The following LRP1 variants were observed in gnomAD, a reference collection of about 807,000 sequenced individuals.
The protein encoded by LRP1 is prolow-density lipoprotein receptor-related protein 1.
Under a neutral mutation model 541.5 loss-of-function variants are expected in LRP1, and 51 were observed. The ratio of observed to expected loss-of-function variants is 0.09; its 90% CI spans 0.08 to 0.12. The LOEUF (loss-of-function observed/expected upper bound fraction) is 0.12, where lower values mean the gene tolerates loss of function less well. Ranked by LOEUF, LRP1 falls within the 10% of genes least tolerant of loss-of-function variation. LRP1 has a pLI of 1.00. For missense variants in LRP1, 3,878 were observed against 6,376.2 expected (o/e 0.61, Z 13.34); for synonymous variants, 2,219 against 2,470.8 (o/e 0.90, Z 3.02).
Position 57,205,270 on chromosome 12 carries a change from G to C in LRP1, c.11335+21G>C. The C allele has an allele frequency of 6.2e-7, 1 of 1,603,470 alleles. No homozygotes were observed. The highest frequency in any genetic ancestry group is 1.1e-5 in the South Asian group (1 of 90,296). ...CATCGGTGAGGCCCGGCAGCGGACCGGACGCTGGTGGGGAGTGGGGAGAGC... is the reference window on the plus strand; with the variant it reads ...CATCGGTGAGGCCCGGCAGCGGACCCGACGCTGGTGGGGAGTGGGGAGAGC... On this transcript the variant is annotated intron_variant, in intron 73 of 88. Coordinates refer to ENST00000243077, the MANE Select transcript of LRP1 (RefSeq NM_002332.3). This position sits in a 1 kb window ranked among gnomAD's most constrained non-coding sequence, Gnocchi z 4.6.
At chr12:57,180,166 A>C (rs1592637157) in intron 31 of LRP1, 25 bp downstream of exon 31, 1 of 1,603,708 alleles carries the variant, frequency 6.2e-7, no homozygotes, top group Non-Finnish European at 8.5e-7. Flanking sequence ...GCCCACCCCC[A>C]CAGCCCCTCC....
chr12:57,138,828 T>G (rs912207222), intron 2 of LRP1, among the ~76,000 whole-genome samples: 2 of 152,230 alleles, frequency 1.3e-5, no homozygotes, highest in African/African-American at 2.4e-5. Context: ...CAGTGTTCTC[T>G]GGGCTGACAG....
rs1264226712 is a variant in LRP1, at chr12:57,156,643, G to A, written c.1418-134G>A. The A allele has an allele frequency of 9.5e-7, 1 of 1,050,646 alleles. No individual in the cohort carries two copies. Among genetic ancestry groups the A allele is most frequent in the South Asian group, 1.8e-5 (1 of 55,532 alleles). 65.1% of individuals were successfully genotyped at this position (1,050,646 alleles called of 1,614,324 possible). On this transcript the variant is annotated intron_variant, in intron 9 of 88. Coordinates refer to ENST00000243077, the MANE Select transcript of LRP1 (RefSeq NM_002332.3). This position sits in a 1 kb window ranked among gnomAD's most constrained non-coding sequence, Gnocchi z 5.2. ...GGGGCAGAGGGTTTCCACCCCTGTGGCTTCCAAATCCTAAAATGGGATAGC... is the reference window on the plus strand; with the variant it reads ...GGGGCAGAGGGTTTCCACCCCTGTGACTTCCAAATCCTAAAATGGGATAGC...
rs373025402 is a variant in LRP1 at position 57,210,386 on chromosome 12, C to T, written c.12660C>T (p.Cys4220=). 62 of 1,606,486 alleles carry T rather than the reference C, an allele frequency of 3.9e-5. No homozygotes were observed. Among genetic ancestry groups the T allele is most frequent in the Non-Finnish European group, 4.9e-5 (58 of 1,175,612 alleles). Residue 4220 remains cysteine (C), a synonymous_variant, in exon 82 of 89, where the codon TGC becomes TGT. Coordinates refer to ENST00000243077, the MANE Select transcript of LRP1 (RefSeq NM_002332.3). ...CFLNARRQPK[C]RCQPRYTGDK... ...TCAATGCACGGAGGCAGCCCAAGTG[C>T]CGCTGCCAACCCCGCTACACGGGTG...
chr12:57,179,355 C>T lies in LRP1; in HGVS notation c.4765C>T (p.Arg1589Cys), dbSNP rs1463659129. The change falls in exon 29 of 89, where the codon CGT becomes TGT. Residue 1589 changes from arginine to cysteine, a missense_variant. Transcript: ENST00000243077. This position sits in a 1 kb window ranked among gnomAD's most constrained non-coding sequence, Gnocchi z 6.8. ...YEFKKFLLYARQMEIRGVDLD... is the reference protein window; with the variant it reads ...YEFKKFLLYACQMEIRGVDLD... ...GTTTAAGAAGTTCCTGCTGTACGCACGTCAGATGGAGATCCGAGGTGTGGA... is the reference window on the plus strand; with the variant it reads ...GTTTAAGAAGTTCCTGCTGTACGCATGTCAGATGGAGATCCGAGGTGTGGA... 2 of 1,613,966 alleles carry T rather than the reference C, an allele frequency of 1.2e-6. No homozygotes were observed. Among genetic ancestry groups the T allele is most frequent in the Non-Finnish European group, 1.7e-6 (2 of 1,179,930 alleles).
Position 57,210,961 on chromosome 12 carries a change from C to T in LRP1, c.12916+82C>T. 3 of 1,520,622 alleles carry T rather than the reference C, an allele frequency of 2.0e-6. No individual in the cohort carries two copies. In the Admixed American group the frequency reaches 5.7e-5, roughly 29 times the overall value. The allele number at this position is 1,520,622 out of a possible 1,614,324, so 94.2% of individuals were successfully genotyped here. A position where few individuals can be genotyped will look rare whatever the true frequency, so the allele number is the denominator to read the frequency against. On this transcript the variant is annotated intron_variant, in intron 83 of 88. Transcript: ENST00000243077. ...AGCATGGGGTGATGTTCAACCTGTG[C>T]CTGGGACCCACAGGGGCAAGTTCAG...
chr12:57,181,705 T>A (rs1383951430), intron 34 of LRP1, among the ~76,000 whole-genome samples: 1 of 152,038 alleles, frequency 6.6e-6, no homozygotes, highest in Non-Finnish European at 1.5e-5. Context: ...TGGAAAGTGA[T>A]GTTTGGGGAA....
Position 57,184,875 on chromosome 12 carries a change from A to G in LRP1, c.6223A>G (p.Lys2075Glu). The G allele has an allele frequency of 6.2e-7, 1 of 1,614,166 alleles. No homozygotes were observed. The highest frequency in any genetic ancestry group is 1.1e-5 in the South Asian group (1 of 91,082). Residue 2075 changes from lysine to glutamate, a missense_variant, in exon 39 of 89, where the codon AAG (lysine) becomes GAG (glutamate). Physicochemically the swap from Lys to Glu is moderately conservative, Grantham distance 56. Transcript: ENST00000243077. The surrounding 1 kb of genome is among the most constrained non-coding windows in gnomAD (Gnocchi z 7.8). ...KLYWCDARTD[K>E]IERIDLETGE... ...GTACTGGTGCGATGCACGGACAGAC[A>G]AGATTGAACGGATCGACCTGGAGAC...
In LRP1 at chr12:57,205,352, C is replaced by T. The variant is rs879221117; in HGVS notation, c.11337C>T (p.Asp3779=). 1.2e-6 allele frequency: 2 copies of T among 1,604,818 alleles called. No homozygotes were observed. Among genetic ancestry groups the T allele is most frequent in the South Asian group, 2.2e-5 (2 of 90,320 alleles). The change falls in exon 74 of 89, where the codon GAC becomes GAT. Residue 3779 remains aspartate, a splice_region_variant and synonymous_variant. Coordinates refer to ENST00000243077, the MANE Select transcript of LRP1 (RefSeq NM_002332.3). This position sits in a 1 kb window ranked among gnomAD's most constrained non-coding sequence, Gnocchi z 4.6. ...DGSDEEDCSI[D]PKLTSCATNA... is the part of the protein sequence containing the mutation. ...GCATCCACTCTCTGTCCCCCACAGA[C>T]CCCAAGCTGACCAGCTGCGCCACCA...
At position 57,202,543 on chromosome 12, in the gene LRP1, T is replaced by TTGGGGCCCC; in HGVS notation, c.10711+6_10711+7insTGGGGCCCC. On this transcript the variant is annotated splice_region_variant and intron_variant, in intron 68 of 88. Transcript: ENST00000243077. ...CTCCGATGAAGAGAGCTGCAGTACG[T>TTGGGGCCCC]CCCCACCCACCCAGCCCCGCATGAG... The TTGGGGCCCC allele has an allele frequency of 6.6e-7, 1 of 1,523,616 alleles. No homozygotes were observed. Among genetic ancestry groups the TTGGGGCCCC allele is most frequent in the Non-Finnish European group, 8.9e-7 (1 of 1,124,802 alleles). 94.4% of individuals were successfully genotyped at this position (1,523,616 alleles called of 1,614,324 possible).
intron 6 of LRP1, chr12:57,149,651 C>T (rs1467789814): frequency 1.4e-6 from 1 of 721,384 alleles, no homozygotes; most frequent in Admixed American, 1.9e-5. Context: ...GGGAAGGTAG[C>T]AGGACATAAC....
chr12:57,209,045 G>A, intron 78 of LRP1, 38 bp from the exon 79 acceptor site: 1 of 1,545,204 alleles, frequency 6.5e-7, no homozygotes, highest in Non-Finnish European at 8.9e-7. Context: ...GCCTGGGTTG[G>A]GGAGGCCAAG....
In LRP1 at chr12:57,183,270, TG is replaced by T. The variant is rs200123285; in HGVS notation, c.5663-101del. On this transcript the variant is annotated intron_variant, in intron 34 of 88. Coordinates refer to ENST00000243077, the MANE Select transcript of LRP1 (RefSeq NM_002332.3). This position sits in a 1 kb window ranked among gnomAD's most constrained non-coding sequence, Gnocchi z 6.1. ...GCTGGGTGGAGGATAGGGATGATGGTGGGGGGGGATGATATCAAAGGAGAAG... is the reference window on the plus strand; with the variant it reads ...GCTGGGTGGAGGATAGGGATGATGGTGGGGGGGATGATATCAAAGGAGAAG... The T allele has an allele frequency of 1.2e-4, 139 of 1,163,644 alleles. No individual in the cohort carries two copies. The highest frequency in any genetic ancestry group is 1.3e-4 in the Non-Finnish European group (105 of 811,068). The allele number at this position is 1,163,644 out of a possible 1,614,324, so 72.1% of individuals were successfully genotyped here. A position where few individuals can be genotyped will look rare whatever the true frequency, so the allele number is the denominator to read the frequency against.
Position 57,195,796 on chromosome 12 carries a change from T to C in LRP1, c.8560+16T>C, listed in dbSNP as rs568127388. On this transcript the variant is annotated intron_variant, in intron 53 of 88. Coordinates refer to ENST00000243077, the MANE Select transcript of LRP1 (RefSeq NM_002332.3). ...CCCGAGTGTGGTGAGCCTTCGGCGG[T>C]GGTGGGAGGAGGCCCTGCCCTCTGC... is the stretch of plus-strand genomic sequence containing the variant. The C allele has an allele frequency of 6.3e-5, 102 of 1,614,044 alleles. 1 individual carries two copies. The South Asian group carries it at 7.1e-4, about 11-fold the overall frequency.
rs925064080 is a variant in LRP1, at chr12:57,136,396, C to CA, written c.68-2063_68-2062insA. On this transcript the variant is annotated intron_variant, in intron 1 of 88. Coordinates refer to ENST00000243077, the MANE Select transcript of LRP1 (RefSeq NM_002332.3). ...CATCAGACTCCCTCCCTCCTAAGAG[C>CA]CCCCCCCCCCCGCCATTTTCCTTAT... 1.0e-3 allele frequency among the ~76,000 whole-genome samples: 19 copies of CA among 18,920 alleles called. No individual in the cohort carries two copies. In the East Asian group the frequency reaches 0.011, roughly 11 times the overall value. The allele number at this position is 18,920 out of a possible 152,430, so 12.4% of individuals were successfully genotyped here. A position where few individuals can be genotyped will look rare whatever the true frequency, so the allele number is the denominator to read the frequency against.
chr12:57,160,831 T>C (rs2035714497), intron 12 of LRP1, 62 bp from the exon 13 acceptor site: 3 of 1,330,684 alleles, frequency 2.3e-6, no homozygotes, highest in Non-Finnish European at 3.2e-6. Flanking sequence ...TGGATTGGGA[T>C]CACAGGGGAG....
At chr12:57,207,891 A>G in intron 76 of LRP1, 147 bp from the exon 77 acceptor site, 2 of 865,464 alleles carry the variant, frequency 2.3e-6, no homozygotes, top group Non-Finnish European at 1.8e-6. Flanking sequence ...AGTCTGGCGC[A>G]TAAGCTCCAT....
In LRP1 at chr12:57,195,318, G is replaced by C; in HGVS notation, c.8356G>C (p.Val2786Leu). 1 of 1,613,566 alleles carries C rather than the reference G, an allele frequency of 6.2e-7. No individual in the cohort carries two copies. Among genetic ancestry groups the C allele is most frequent in the Non-Finnish European group, 8.5e-7 (1 of 1,180,016 alleles). ...CTCCTTCTCCTGCCCTGGCACCCAC[G>C]TGTGCGTCCCCGAGCGCTGGCTCTG... is the stretch of plus-strand genomic sequence containing the variant. ...PSSFSCPGTH[V>L]CVPERWLCDG... The change falls in exon 52 of 89, where the codon GTG becomes CTG. Residue 2786 changes from valine (V) to leucine (L), a missense_variant. Physicochemically the swap from Val to Leu is conservative, Grantham distance 32. Transcript: ENST00000243077.
chr12:57,157,950 G>C (rs139303328), intron 10 of LRP1, among the ~76,000 whole-genome samples: 1 of 152,346 alleles, frequency 6.6e-6, no homozygotes, highest in Non-Finnish European at 1.5e-5. Context: ...ATTCACATTT[G>C]TATAAAAGTC....
Sources: allele counts gnomAD v4.1 joint callset (sites outside exome capture counted in the v4.1 genomes callset), GRCh38; gene constraint gnomAD v4.1.1; non-coding constraint Gnocchi (gnomAD v3.1); transcripts MANE v1.5; gene names NCBI Gene and HGNC (gene_info 2026-07-23, HGNC 2026-07-21).